Variants in DMD observed in about 807,000 individuals in gnomAD.
DMD encodes the protein mutant dystrophin.
DMD carries 63 observed loss-of-function variants against 330.1 expected under a neutral mutation model. That is an observed-to-expected ratio of 0.19 (90% CI 0.16 to 0.24). The LOEUF (loss-of-function observed/expected upper bound fraction) is 0.24, where lower values mean the gene tolerates loss of function less well. DMD is among the 10% of genes least tolerant of loss of function. DMD has a pLI of 1.00. For synonymous variants in DMD, 1,223 were observed against 959.8 expected (o/e 1.27, Z -5.07); for missense variants, 3,344 against 2,684.1 (o/e 1.25, Z -5.43).
chrX:33,303,888 C>T (rs184423943), intron 1 of DMD, among the ~76,000 whole-genome samples: 1 of 111,229 alleles, frequency 9.0e-6, no homozygotes, highest in Non-Finnish European at 1.9e-5. Flanking sequence ...TGAACTAATA[C>T]ACTTAATTTT....
At chrX:31,692,998 C>T (rs752631741) in intron 52 of DMD, among the ~76,000 whole-genome samples, 19 of 111,631 alleles carry the variant, frequency 1.7e-4, no homozygotes, top group Admixed American at 1.4e-3. Flanking sequence ...GCCAATATCA[C>T]GAATGAAATT....
At chrX:31,668,293 C>T (rs979938893) in intron 53 of DMD, among the ~76,000 whole-genome samples, 2 of 110,712 alleles carry the variant, frequency 1.8e-5, no homozygotes, top group East Asian at 2.8e-4. Flanking sequence ...GTGTATTTTT[C>T]GGTTACTTTT....
At chrX:32,135,555 T>TA (rs1172208052) in intron 44 of DMD, among the ~76,000 whole-genome samples, 336 of 109,680 alleles carry the variant, frequency 3.1e-3, no homozygotes, top group African/African-American at 0.01. Context: ...ACACCATCTC[T>TA]AAAAAAAAAT....
intron 60 of DMD, among the ~76,000 whole-genome samples, chrX:31,422,182 G>T (rs2063482088): frequency 9.3e-6 from 1 of 107,882 alleles, no homozygotes; most frequent in Non-Finnish European, 1.9e-5. Flanking sequence ...AATGTTTTTT[G>T]TATTTTTAGT....
At chrX:32,562,019 T>C (rs1211420617) in intron 16 of DMD, among the ~76,000 whole-genome samples, 1 of 111,939 alleles carries the variant, frequency 8.9e-6, no homozygotes, top group African/African-American at 3.2e-5. Context: ...TCGTATTTCA[T>C]AATTATGATC....
chrX:33,286,899 T>C (rs1444014375), intron 1 of DMD, among the ~76,000 whole-genome samples: 1 of 112,323 alleles, frequency 8.9e-6, no homozygotes, highest in Non-Finnish European at 1.9e-5. Flanking sequence ...AAAGCTAATA[T>C]ATCTTCTCTG....
intron 51 of DMD, among the ~76,000 whole-genome samples, chrX:31,767,118 T>C (rs2090051345): frequency 8.9e-6 from 1 of 111,950 alleles, no homozygotes; most frequent in Non-Finnish European, 1.9e-5. Flanking sequence ...TGTACATTTG[T>C]TGGAAGATAA....
At chrX:31,387,891 G>C (rs182845055) in intron 60 of DMD, among the ~76,000 whole-genome samples, 1 of 111,073 alleles carries the variant, frequency 9.0e-6, no homozygotes, top group East Asian at 2.8e-4. Context: ...TTCCTTCCAT[G>C]AACAACTCTC....
intron 55 of DMD, among the ~76,000 whole-genome samples, chrX:31,588,407 C>G (rs1325544300): frequency 1.8e-5 from 2 of 111,419 alleles, no homozygotes; most frequent in African/African-American, 3.3e-5. Flanking sequence ...ACTTTTTCCC[C>G]TCACCCTAGG....
intron 1 of DMD, among the ~76,000 whole-genome samples, chrX:33,096,501 C>CTTTTTTTTTTTTTTTTTTTTTTTTTTTTT (rs752228692): frequency 1.1e-5 from 1 of 93,729 alleles, no homozygotes; most frequent in Non-Finnish European, 2.2e-5. Flanking sequence ...TTGGAGACGA[C>CTTTTTTTTTTTTTTTTTTTTTTTTTTTTT]TTTTTTTTTT....
At position 31,627,919 on chromosome X, in the gene DMD, T is replaced by A. The variant is rs562866988; in HGVS notation, c.8028-57A>T. 177 of 1,082,645 alleles carry A rather than the reference T, an allele frequency of 1.6e-4. 1 individual carries two copies. The South Asian group carries it at 3.3e-3, about 20-fold the overall frequency. The allele number at this position is 1,082,645 out of a possible 1,213,427, so 89.2% of individuals were successfully genotyped here. ...TTAAATATCAGAATGGTGCACCTAGTGAACTCCATAAAAAGAGAAAGATGG... is the reference window on the plus strand; with the variant it reads ...TTAAATATCAGAATGGTGCACCTAGAGAACTCCATAAAAAGAGAAAGATGG... On this transcript the variant is annotated intron_variant, in intron 54 of 78. Coordinates refer to ENST00000357033, the MANE Select transcript of DMD (RefSeq NM_004006.3).
chrX:32,236,759 C>T (rs921706049), intron 43 of DMD, among the ~76,000 whole-genome samples: 5 of 111,792 alleles, frequency 4.5e-5, no homozygotes, highest in African/African-American at 1.3e-4. Flanking sequence ...GACCCAGTCT[C>T]ATGTATGTCT....
At chrX:33,252,007 C>T (rs768754921) in intron 1 of DMD, among the ~76,000 whole-genome samples, 2 of 112,154 alleles carry the variant, frequency 1.8e-5, no homozygotes, top group African/African-American at 3.2e-5. Context: ...ACTTAAACTA[C>T]TCAAGCATTT....
At chrX:32,064,456 A>T (rs2096247830) in intron 44 of DMD, among the ~76,000 whole-genome samples, 2 of 111,137 alleles carry the variant, frequency 1.8e-5, no homozygotes, top group South Asian at 7.4e-4. Context: ...AAACTGTTAG[A>T]TCATTAATCC....
At chrX:31,317,529 T>TG (rs1295836922) in intron 62 of DMD, among the ~76,000 whole-genome samples, 1 of 105,888 alleles carries the variant, frequency 9.4e-6, no homozygotes, top group Non-Finnish European at 2.0e-5. Flanking sequence ...TTTTTTTTTT[T>TG]TGAGGCAGAG....
chrX:31,148,599 T>C (rs528647553), intron 74 of DMD, among the ~76,000 whole-genome samples: 2 of 112,452 alleles, frequency 1.8e-5, no homozygotes, highest in African/African-American at 6.5e-5. Flanking sequence ...CTTAGCAACA[T>C]CTTCAACATT....
intron 55 of DMD, among the ~76,000 whole-genome samples, chrX:31,546,216 G>C (rs1047125298): frequency 8.9e-6 from 1 of 112,512 alleles, no homozygotes; most frequent in Non-Finnish European, 1.9e-5. Flanking sequence ...ACCATATTAA[G>C]TGGTTTCCAT....
intron 44 of DMD, chrX:32,205,764 C>T: frequency 5.8e-6 from 1 of 172,228 alleles, no homozygotes; most frequent in Non-Finnish European, 1.1e-5. Context: ...TCAAAGTACA[C>T]AAGATGTTCA....
intron 60 of DMD, among the ~76,000 whole-genome samples, chrX:31,350,874 C>T (rs76490966): frequency 0.079 from 8,703 of 110,088 alleles, 266 homozygotes; most frequent in Non-Finnish European, 0.1. Context: ...CCAATGTGGG[C>T]GGGCATCATC....
Sources: allele counts gnomAD v4.1 joint callset (sites outside exome capture counted in the v4.1 genomes callset), GRCh38; gene constraint gnomAD v4.1.1; transcripts MANE v1.5; gene names NCBI Gene and HGNC (gene_info 2026-07-23, HGNC 2026-07-21).